ROBO2: variants seen among roughly 807,000 people sequenced by gnomAD.
ROBO2 encodes roundabout guidance receptor 2.
ROBO2 carries 53 observed loss-of-function variants against 160.8 expected under a neutral mutation model. The ratio of observed to expected loss-of-function variants is 0.33; its 90% CI spans 0.26 to 0.41. The LOEUF is 0.41. ROBO2 is among the 10% of genes least tolerant of loss of function. The pLI, the probability that ROBO2 is intolerant of heterozygous loss-of-function variation, is 1.00. For synonymous variants in ROBO2, 664 were observed against 611.7 expected (o/e 1.09, Z -1.26); for missense variants, 1,577 against 1,722.4 (o/e 0.92, Z 1.49).
chr3:76,777,522 A>G (rs193096139), intron 2 of ROBO2, among the ~76,000 whole-genome samples: 1 of 151,064 alleles, frequency 6.6e-6, no homozygotes, highest in African/African-American at 2.4e-5. Flanking sequence ...ATGGACACTG[A>G]GAGCGAAGCA....
chr3:77,282,511 A>C (rs2060306699), intron 2 of ROBO2, among the ~76,000 whole-genome samples: 1 of 151,976 alleles, frequency 6.6e-6, no homozygotes, highest in Non-Finnish European at 1.5e-5. Flanking sequence ...AATATAAAAT[A>C]GATCTTAATG....
intron 2 of ROBO2, among the ~76,000 whole-genome samples, chr3:76,895,249 T>A (rs2074679023): frequency 6.6e-6 from 1 of 152,054 alleles, no homozygotes; most frequent in African/African-American, 2.4e-5. Context: ...AGCAAACAAC[T>A]CCTTCGGGTA....
intron 2 of ROBO2, among the ~76,000 whole-genome samples, chr3:76,524,710 A>G (rs2081834520): frequency 6.6e-6 from 1 of 151,202 alleles, no homozygotes; most frequent in Non-Finnish European, 1.5e-5. Flanking sequence ...CTGCCAGGCA[A>G]TTGTTTTCAT....
At chr3:77,606,010 T>C (rs546566881) in intron 20 of ROBO2, among the ~76,000 whole-genome samples, 4 of 152,302 alleles carry the variant, frequency 2.6e-5, no homozygotes, top group South Asian at 4.1e-4. Context: ...ATGGTTCCTG[T>C]CTGATAATTT....
intron 2 of ROBO2, among the ~76,000 whole-genome samples, chr3:76,114,183 G>A (rs936301443): frequency 5.3e-5 from 8 of 152,032 alleles, no homozygotes; most frequent in Admixed American, 3.9e-4. Flanking sequence ...CATCACTGTC[G>A]CGTTGTGAAT....
At chr3:76,953,557 G>A (rs1171773811) in intron 2 of ROBO2, among the ~76,000 whole-genome samples, 1 of 152,120 alleles carries the variant, frequency 6.6e-6, no homozygotes, top group Admixed American at 6.6e-5. Context: ...ATGTAATTCA[G>A]CATACTTCCA....
intron 2 of ROBO2, among the ~76,000 whole-genome samples, chr3:76,291,504 A>G (rs1708801319): frequency 6.6e-6 from 1 of 151,836 alleles, no homozygotes; most frequent in African/African-American, 2.4e-5. Flanking sequence ...ATTTTATATG[A>G]TTTCCTGCCT....
chr3:76,060,973 G>T (rs2068052648), intron 2 of ROBO2, among the ~76,000 whole-genome samples: 1 of 152,102 alleles, frequency 6.6e-6, no homozygotes, highest in Non-Finnish European at 1.5e-5. Flanking sequence ...GCATGTTCTT[G>T]CTACAGTTTC....
chr3:76,372,684 G>A (rs1433322955), intron 2 of ROBO2, among the ~76,000 whole-genome samples: 1 of 151,914 alleles, frequency 6.6e-6, no homozygotes, highest in African/African-American at 2.4e-5. Context: ...CAGTCTCTGA[G>A]TTGGTCGTCA....
intron 2 of ROBO2, among the ~76,000 whole-genome samples, chr3:76,789,961 A>G (rs1051534754): frequency 6.6e-6 from 1 of 151,720 alleles, no homozygotes; most frequent in Non-Finnish European, 1.5e-5. Context: ...ATTTGGCCAC[A>G]TATAAACCAT....
intron 2 of ROBO2, among the ~76,000 whole-genome samples, chr3:76,617,439 G>A (rs1391187168): frequency 6.6e-6 from 1 of 152,122 alleles, no homozygotes; most frequent in Admixed American, 6.5e-5. Flanking sequence ...GATTATATCT[G>A]TTTGGGTTTT....
intron 2 of ROBO2, among the ~76,000 whole-genome samples, chr3:76,128,534 T>C (rs1461339895): frequency 1.3e-5 from 2 of 152,120 alleles, no homozygotes; most frequent in African/African-American, 4.8e-5. Flanking sequence ...ATAAGATATT[T>C]AATAACTAGT....
intron 2 of ROBO2, among the ~76,000 whole-genome samples, chr3:76,106,126 T>G (rs1164273099): frequency 6.6e-6 from 1 of 152,124 alleles, no homozygotes; most frequent in African/African-American, 2.4e-5. Flanking sequence ...CCTGTTTGAC[T>G]GGTAGAGACG....
intron 2 of ROBO2, among the ~76,000 whole-genome samples, chr3:76,344,560 T>C (rs1422657536): frequency 6.6e-6 from 1 of 152,172 alleles, no homozygotes; most frequent in East Asian, 1.9e-4. Context: ...TAGTAGTCTA[T>C]GTGAAACGTG....
At chr3:77,647,494 C>A (rs1291956588) in exon 26 of ROBO2, 2 of 152,020 alleles carry the variant, frequency 1.3e-5, no homozygotes, top group African/African-American at 4.8e-5. Context: ...TAAAACCAGA[C>A]CTTGTAAGTG....
intron 2 of ROBO2, among the ~76,000 whole-genome samples, chr3:77,405,970 C>T (rs182157970): frequency 2.9e-4 from 44 of 152,184 alleles, no homozygotes; most frequent in Non-Finnish European, 7.4e-5. Flanking sequence ...GCATATAGTC[C>T]AAAATGTATA....
intron 2 of ROBO2, among the ~76,000 whole-genome samples, chr3:76,624,967 G>A (rs746047266): frequency 4.6e-5 from 7 of 151,378 alleles, no homozygotes; most frequent in African/African-American, 7.3e-5. Context: ...TTAGCCATGC[G>A]GTTCTAAATC....
intron 2 of ROBO2, among the ~76,000 whole-genome samples, chr3:76,799,373 G>T (rs2064025621): frequency 6.6e-6 from 1 of 152,072 alleles, no homozygotes. Context: ...GGAAGTTCTA[G>T]CTAAAGCAAT....
intron 2 of ROBO2, among the ~76,000 whole-genome samples, chr3:76,718,209 T>A (rs762004238): frequency 6.6e-6 from 1 of 152,188 alleles, no homozygotes; most frequent in Non-Finnish European, 1.5e-5. Context: ...GTGACATCCA[T>A]CTAATTGTCA....
Sources: allele counts gnomAD v4.1 joint callset (sites outside exome capture counted in the v4.1 genomes callset), GRCh38; gene constraint gnomAD v4.1.1; transcripts MANE v1.5; gene names NCBI Gene and HGNC (gene_info 2026-07-23, HGNC 2026-07-21).